The following GALNT6 variants were observed in gnomAD, a reference collection of about 807,000 sequenced individuals.
GALNT6 encodes the protein polypeptide N-acetylgalactosaminyltransferase 6.
In GALNT6, 51 loss-of-function variants were observed where a neutral mutation model predicts 65.9. The ratio of observed to expected loss-of-function variants is 0.77; its 90% CI spans 0.62 to 0.98. GALNT6 has a LOEUF of 0.98. Among genes scored for constraint, GALNT6 ranks in the 50% least tolerant of loss-of-function variants. GALNT6 has a pLI of 0.00. For missense variants in GALNT6, 708 were observed against 803.3 expected (o/e 0.88, Z 1.43); for synonymous variants, 323 against 315.1 (o/e 1.02, Z -0.26).
chr12:51,377,318 C>T lies in GALNT6; in HGVS notation c.541G>A (p.Val181Met), dbSNP rs893599813. The T allele has an allele frequency of 3.1e-6, 5 of 1,613,014 alleles. No individual in the cohort carries two copies. The highest frequency in any genetic ancestry group is 3.4e-6 in the Non-Finnish European group (4 of 1,180,018). ...GCTTCGTTGTGGAACACAATGATCACGCTGGTGGTGGCCAGTGGGGGGCAG... is the reference window on the plus strand; with the variant it reads ...GCTTCGTTGTGGAACACAATGATCATGCTGGTGGTGGCCAGTGGGGGGCAG... ...RRCPPLATTS[V>M]IIVFHNEAWS... Residue 181 changes from valine to methionine, a missense_variant, in exon 4 of 12, where the codon GTG (valine) becomes ATG (methionine). Transcript: ENST00000356317.
chr12:51,368,699 C>A (rs183288364), intron 4 of GALNT6, among the ~76,000 whole-genome samples: 1 of 151,656 alleles, frequency 6.6e-6, no homozygotes, highest in East Asian at 1.9e-4. Flanking sequence ...AGCCACTACG[C>A]CCCGCCCACT....
chr12:51,385,902 A>C (rs893200397), intron 2 of GALNT6, among the ~76,000 whole-genome samples: 1 of 151,896 alleles, frequency 6.6e-6, no homozygotes, highest in African/African-American at 2.4e-5. Flanking sequence ...TGGCATGAAC[A>C]CAGCTTTCTG....
intron 2 of GALNT6, among the ~76,000 whole-genome samples, chr12:51,388,671 G>C (rs1947916924): frequency 6.6e-6 from 1 of 152,130 alleles, no homozygotes; most frequent in Non-Finnish European, 1.5e-5. Flanking sequence ...AACAGGCCTA[G>C]ACGGTAGACC....
rs1946683621 is a variant in GALNT6, at chr12:51,354,318, A to G, written c.*61T>C. On this transcript the variant is annotated 3_prime_UTR_variant, in exon 12 of 12. Coordinates refer to ENST00000356317, the MANE Select transcript of GALNT6 (RefSeq NM_007210.4). ...GAGAAGCTGGTGATCAGGTTCCCAG[A>G]CATCAGCAATCCTGTTTCCTGAGGA... 1 of 932,064 alleles carries G rather than the reference A, an allele frequency of 1.1e-6. No individual in the cohort carries two copies. Among genetic ancestry groups the G allele is most frequent in the South Asian group, 1.7e-5 (1 of 59,598 alleles). 57.7% of individuals were successfully genotyped at this position (932,064 alleles called of 1,614,324 possible). A position where few individuals can be genotyped will look rare whatever the true frequency, so the allele number is the denominator to read the frequency against.
Position 51,351,938 on chromosome 12 carries a change from GA to G in GALNT6, c.*2440del, listed in dbSNP as rs1173086695. The G allele has an allele frequency of 6.6e-6, 1 of 151,540 alleles. No homozygotes were observed. The highest frequency in any genetic ancestry group is 1.5e-5 in the Non-Finnish European group (1 of 67,920). 9.4% of individuals were successfully genotyped at this position (151,540 alleles called of 1,614,324 possible). ...TCTCATCCAATTCTCTTCTTTCCGGGAACTTTTTCCCTTCCCTACTCCAGGT... is the reference window on the plus strand; with the variant it reads ...TCTCATCCAATTCTCTTCTTTCCGGGACTTTTTCCCTTCCCTACTCCAGGT... On this transcript the variant is annotated 3_prime_UTR_variant, in exon 12 of 12. Transcript: ENST00000356317.
At position 51,387,389 on chromosome 12, in the gene GALNT6, T is replaced by C. The variant is rs187146232; in HGVS notation, c.-104+3461A>G. The stretch of plus-strand genomic sequence containing the variant: ...TACTAGGATTACAGGTGTGAGCCAA[T>C]GCATCCAGCCTGTTTGCATGATATT... On this transcript the variant is annotated intron_variant, in intron 2 of 11. Transcript: ENST00000356317. This position sits in a 1 kb window ranked among gnomAD's most constrained non-coding sequence, Gnocchi z 4.2. Among the ~76,000 whole-genome samples, 2 of 152,310 alleles carry C rather than the reference T, an allele frequency of 1.3e-5. No homozygotes were observed. The highest frequency in any genetic ancestry group is 2.9e-5 in the Non-Finnish European group (2 of 68,028).
Position 51,354,255 on chromosome 12 carries a change from C to T in GALNT6, c.*124G>A. 1 of 573,612 alleles carries T rather than the reference C, an allele frequency of 1.7e-6. No individual in the cohort carries two copies. Among genetic ancestry groups the T allele is most frequent in the South Asian group, 2.6e-5 (1 of 39,026 alleles). 35.5% of individuals were successfully genotyped at this position (573,612 alleles called of 1,614,324 possible). A position where few individuals can be genotyped will look rare whatever the true frequency, so the allele number is the denominator to read the frequency against. ...AAGGATTAGGAAGGTCCTGCCTTGC[C>T]ACCCAGTGGGTTTAGAAATCCATCT... On this transcript the variant is annotated 3_prime_UTR_variant, in exon 12 of 12. Transcript: ENST00000356317.
At chr12:51,361,888 A>G (rs1223538354) in intron 6 of GALNT6, among the ~76,000 whole-genome samples, 1 of 151,556 alleles carries the variant, frequency 6.6e-6, no homozygotes, top group Non-Finnish European at 1.5e-5. Context: ...TAACCCCAGA[A>G]CCTATCTAGG....
chr12:51,386,934 G>A (rs143751436), intron 2 of GALNT6, among the ~76,000 whole-genome samples: 16 of 151,032 alleles, frequency 1.1e-4, no homozygotes, highest in African/African-American at 3.9e-4. Flanking sequence ...GAATGTGGGA[G>A]GTTTTTATTT....
intron 3 of GALNT6, among the ~76,000 whole-genome samples, 196 bp from the exon 4 acceptor site, chr12:51,377,563 C>T (rs1288985759): frequency 6.6e-6 from 1 of 152,146 alleles, no homozygotes; most frequent in Non-Finnish European, 1.5e-5. Flanking sequence ...AGCCTTTGCA[C>T]AGGTTCTAGC....
At chr12:51,366,138 G>A (rs1248372660) in intron 4 of GALNT6, among the ~76,000 whole-genome samples, 2 of 152,154 alleles carry the variant, frequency 1.3e-5, no homozygotes, top group East Asian at 1.9e-4. Context: ...GGCTGGTCTC[G>A]TACTCCTGGC....
chr12:51,382,092 G>A (rs543178383), intron 2 of GALNT6, among the ~76,000 whole-genome samples: 25 of 152,318 alleles, frequency 1.6e-4, no homozygotes, highest in African/African-American at 6.0e-4. Context: ...ATCAGATTCA[G>A]CAGCACCGTC....
intron 4 of GALNT6, 100 bp downstream of exon 4, chr12:51,377,095 G>T: frequency 1.0e-6 from 1 of 969,178 alleles, no homozygotes; most frequent in Non-Finnish European, 1.6e-6. Context: ...CAGGCAACAG[G>T]CTCATGAGGT....
chr12:51,358,727 C>T (rs1304103803), intron 8 of GALNT6, among the ~76,000 whole-genome samples: 1 of 152,178 alleles, frequency 6.6e-6, no homozygotes, highest in Non-Finnish European at 1.5e-5. Context: ...CCAGCCCTCA[C>T]ATCCAATCCC....
intron 2 of GALNT6, among the ~76,000 whole-genome samples, chr12:51,382,720 C>T (rs1397611255): frequency 1.3e-5 from 2 of 152,110 alleles, no homozygotes; most frequent in African/African-American, 2.4e-5. Flanking sequence ...AATATGACAG[C>T]GGTGGAGGGT....
At position 51,387,155 on chromosome 12, in the gene GALNT6, T is replaced by C. The variant is rs1010037719; in HGVS notation, c.-104+3695A>G. On this transcript the variant is annotated intron_variant, in intron 2 of 11. Transcript: ENST00000356317. The surrounding 1 kb of genome is among the most constrained non-coding windows in gnomAD (Gnocchi z 4.2). ...TTCTGTTGCCCATACTGGAGTGCAG[T>C]GGCGGGATCTCGGCTCACTGCAACC... 1.3e-5 allele frequency among the ~76,000 whole-genome samples: 2 copies of C among 152,104 alleles called. No homozygotes were observed. The highest frequency in any genetic ancestry group is 4.8e-5 in the African/African-American group (2 of 41,412).
At chr12:51,355,733 C>T (rs1946725515) in intron 11 of GALNT6, 73 bp downstream of exon 11, 1 of 1,456,822 alleles carries the variant, frequency 6.9e-7, no homozygotes, top group Non-Finnish European at 9.5e-7. Flanking sequence ...TCTCAAAGTG[C>T]TGGGATTACA....
chr12:51,390,597 C>T (rs998877396), intron 2 of GALNT6, among the ~76,000 whole-genome samples: 2 of 152,224 alleles, frequency 1.3e-5, no homozygotes, highest in Non-Finnish European at 2.9e-5. Context: ...GAGAATAGGG[C>T]CTGTGTGGTG....
At chr12:51,373,867 AT>A (rs1300596736) in intron 4 of GALNT6, among the ~76,000 whole-genome samples, 2 of 150,836 alleles carry the variant, frequency 1.3e-5, no homozygotes, top group African/African-American at 4.9e-5. Flanking sequence ...TTTATTTATT[AT>A]TTTTTTTTAG....
Sources: gnomAD v4.1 joint callset for allele counts (sites outside exome capture counted in the v4.1 genomes callset) on GRCh38, gnomAD v4.1.1 for gene constraint, Gnocchi (gnomAD v3.1) non-coding constraint, MANE v1.5 for transcripts, NCBI Gene and HGNC (gene_info 2026-07-23, HGNC 2026-07-21) for gene names.